GARS1: variants seen among roughly 807,000 people sequenced by gnomAD.
GARS1 encodes glycyl-tRNA synthetase 1.
GARS1 carries 46 observed loss-of-function variants against 86.4 expected under a neutral mutation model. The ratio of observed to expected loss-of-function variants is 0.53; its 90% CI spans 0.42 to 0.68. The LOEUF is 0.68. Among genes scored for constraint, GARS1 ranks in the 30% least tolerant of loss-of-function variants. The pLI is 0.00. For missense variants in GARS1, 797 were observed against 915.6 expected, an observed-to-expected ratio of 0.87 and a Z score of 1.67; for synonymous variants, 342 against 329.8, an observed-to-expected ratio of 1.04 and a Z score of -0.40.
At chr7:30,624,062 C>CAACACAAATTCGTA (rs1783074253) in intron 12 of GARS1, among the ~76,000 whole-genome samples, 2 of 152,116 alleles carry the variant, frequency 1.3e-5, no homozygotes, top group African/African-American at 4.8e-5. Context: ...TGATGCTGCC[C>CAACACAAATTCGTA]AACACAAATT....
intron 14 of GARS1, among the ~76,000 whole-genome samples, chr7:30,630,786 A>C (rs1039713203): frequency 6.6e-6 from 1 of 152,164 alleles, no homozygotes; most frequent in African/African-American, 2.4e-5. Context: ...CTGGGATTAC[A>C]GGCATGAGCC....
chr7:30,620,475 A>G (rs1473842259), intron 10 of GARS1, among the ~76,000 whole-genome samples: 2 of 152,178 alleles, frequency 1.3e-5, no homozygotes, highest in East Asian at 3.8e-4. Flanking sequence ...CTCCATCCTC[A>G]TGACCTAATC....
chr7:30,597,409 A>G (rs1033131151), intron 1 of GARS1, among the ~76,000 whole-genome samples: 1 of 152,232 alleles, frequency 6.6e-6, no homozygotes, highest in African/African-American at 2.4e-5. Context: ...ATCAAAGAAT[A>G]TCCACAATTA....
At chr7:30,633,617 C>T (rs1783278881) in intron 16 of GARS1, 118 bp from the exon 17 acceptor site, 5 of 1,227,286 alleles carry the variant, frequency 4.1e-6, no homozygotes, top group Non-Finnish European at 5.9e-6. Flanking sequence ...GAGCATGAAC[C>T]CATGCCTGGC....
rs1029686290 is a variant in GARS1 at position 30,609,686 on chromosome 7, C to T, written c.837C>T (p.Asn279=). 1.2e-6 allele frequency: 2 copies of T among 1,613,480 alleles called. No individual in the cohort carries two copies. The highest frequency in any genetic ancestry group is 1.7e-6 in the Non-Finnish European group (2 of 1,179,528). ...GNDLSPPVSF[N]LMFKTFIGPG... is the part of the protein sequence containing the mutation. ...ATCTATCCCCTCCAGTGTCTTTTAA[C>T]TTAATGTTCAAGACTTTCATTGGGC... The change falls in exon 7 of 17, where the codon AAC becomes AAT. Residue 279 remains asparagine (N), a synonymous_variant. Coordinates refer to ENST00000389266, the MANE Select transcript of GARS1 (RefSeq NM_002047.4).
Position 30,633,911 on chromosome 7 carries a change from ACT to A in GARS1, c.*52_*53del. ...CTTGCGCTAATAAAAAAAAAAAAAAACTACTCTTATGTCCACTTTACAAAAGA... is the reference window on the plus strand; with the variant it reads ...CTTGCGCTAATAAAAAAAAAAAAAAAACTCTTATGTCCACTTTACAAAAGA... On this transcript the variant is annotated 3_prime_UTR_variant, in exon 17 of 17. Transcript: ENST00000389266. 1 of 1,125,596 alleles carries A rather than the reference ACT, an allele frequency of 8.9e-7. No homozygotes were observed. Among genetic ancestry groups the A allele is most frequent in the Non-Finnish European group, 1.3e-6 (1 of 748,812 alleles). 69.7% of individuals were successfully genotyped at this position (1,125,596 alleles called of 1,614,324 possible).
At chr7:30,633,011 G>A (rs890403372) in intron 16 of GARS1, among the ~76,000 whole-genome samples, 1 of 152,214 alleles carries the variant, frequency 6.6e-6, no homozygotes, top group African/African-American at 2.4e-5. Context: ...TCAAGTGCCT[G>A]TTCTGTGCTT....
At chr7:30,629,752 A>T (rs146254385) in intron 14 of GARS1, among the ~76,000 whole-genome samples, 64 of 152,338 alleles carry the variant, frequency 4.2e-4, no homozygotes, top group Non-Finnish European at 8.1e-4. Context: ...GAGCAGCCCT[A>T]TTCATTCAAC....
intron 10 of GARS1, among the ~76,000 whole-genome samples, chr7:30,621,042 ATTTT>A (rs1019006095): frequency 6.7e-6 from 1 of 148,406 alleles, no homozygotes; most frequent in African/African-American, 2.5e-5. Flanking sequence ...TGAATTATAT[ATTTT>A]TTTCTTTCTT....
At chr7:30,622,487 C>A in intron 12 of GARS1, 25 bp downstream of exon 12, 1 of 1,612,968 alleles carries the variant, frequency 6.2e-7, no homozygotes. Context: ...GTTTACTCTT[C>A]CATGGGCTCC....
intron 14 of GARS1, among the ~76,000 whole-genome samples, chr7:30,628,980 T>C (rs990822559): frequency 6.6e-6 from 1 of 152,222 alleles, no homozygotes; most frequent in African/African-American, 2.4e-5. Context: ...CTGGATATGC[T>C]GTGTTTCAGA....
At position 30,628,438 on chromosome 7, in the gene GARS1, G is replaced by A. The variant is rs933441748; in HGVS notation, c.1700-122G>A. 4.7e-5 allele frequency: 33 copies of A among 697,056 alleles called. No individual in the cohort carries two copies. In the African/African-American group the frequency reaches 5.5e-4, roughly 12 times the overall value. The allele number at this position is 697,056 out of a possible 1,614,324, so 43.2% of individuals were successfully genotyped here. On this transcript the variant is annotated intron_variant, in intron 13 of 16. Coordinates refer to ENST00000389266, the MANE Select transcript of GARS1 (RefSeq NM_002047.4). ...GACCTCAGATGATCCACCTACCTCAGCCTCCCAAAATGCTGGGATTACAGG... is the reference window on the plus strand; with the variant it reads ...GACCTCAGATGATCCACCTACCTCAACCTCCCAAAATGCTGGGATTACAGG...
intron 6 of GARS1, among the ~76,000 whole-genome samples, chr7:30,607,874 T>C (rs573829683): frequency 2.0e-5 from 3 of 152,176 alleles, no homozygotes; most frequent in South Asian, 2.1e-4. Flanking sequence ...TTTAAAAAAA[T>C]AGAATATAAA....
chr7:30,619,553 C>G (rs969275407), intron 10 of GARS1, among the ~76,000 whole-genome samples: 1 of 152,036 alleles, frequency 6.6e-6, no homozygotes, highest in African/African-American at 2.4e-5. Flanking sequence ...TTATAACCAC[C>G]AAACTATATG....
chr7:30,622,958 G>A (rs895838329), intron 12 of GARS1, among the ~76,000 whole-genome samples: 6 of 151,912 alleles, frequency 3.9e-5, no homozygotes, highest in African/African-American at 9.7e-5. Context: ...AAAATTGTCC[G>A]GGCATGGTGG....
Position 30,595,148 on chromosome 7 carries a change from C to A in GARS1, c.222+5C>A, listed in dbSNP as rs2072236. On this transcript the variant is annotated splice_donor_5th_base_variant and intron_variant, in intron 1 of 16. Transcript: ENST00000389266. ...AGGCTAGCAGTGCGCCAGCAGGTAC[C>A]GGTGTTTTGCGCTCTCCGCTAAGCC... The A allele has an allele frequency of 1.3e-6, 2 of 1,535,586 alleles. No homozygotes were observed. Among genetic ancestry groups the A allele is most frequent in the African/African-American group, 2.7e-5 (2 of 73,024 alleles).
At chr7:30,623,100 CA>C (rs1266842929) in intron 12 of GARS1, among the ~76,000 whole-genome samples, 11 of 56,808 alleles carry the variant, frequency 1.9e-4, no homozygotes, top group South Asian at 6.8e-4. Flanking sequence ...GACTCCGTCT[CA>C]AAAAAAAAAA....
Position 30,621,498 on chromosome 7 carries a change from C to G in GARS1, c.1465C>G (p.Pro489Ala), listed in dbSNP as rs780217118. Reference protein sequence around the residue: ...PLVAEKPLKEPKTVNVVQFEP... With the variant: ...PLVAEKPLKEAKTVNVVQFEP... ...TGTAGCTGAGAAACCTCTGAAAGAA[C>G]CCATATCCTTTCTGGTCACTCCAAA... Residue 489 changes from proline to alanine, a missense_variant and splice_region_variant, in exon 11 of 17, where the codon CCC becomes GCC. Pro to Ala is a conservative substitution (Grantham distance 27). Coordinates refer to ENST00000389266, the MANE Select transcript of GARS1 (RefSeq NM_002047.4). The G allele has an allele frequency of 1.9e-6, 3 of 1,611,782 alleles. No homozygotes were observed. The highest frequency in any genetic ancestry group is 2.5e-6 in the Non-Finnish European group (3 of 1,177,896).
intron 1 of GARS1, among the ~76,000 whole-genome samples, chr7:30,596,628 C>A (rs1457298391): frequency 6.6e-6 from 1 of 152,174 alleles, no homozygotes; most frequent in Non-Finnish European, 1.5e-5. Context: ...ATGCTACTAA[C>A]TACTGTCTTG....
Sources: allele counts gnomAD v4.1 joint callset (sites outside exome capture counted in the v4.1 genomes callset), GRCh38; gene constraint gnomAD v4.1.1; transcripts MANE v1.5; gene names NCBI Gene and HGNC (gene_info 2026-07-23, HGNC 2026-07-21).